Variants in FKBP6 observed in about 807,000 individuals in gnomAD.
FKBP6 encodes the protein FKBP prolyl isomerase family member 6 (inactive), also known as inactive peptidyl-prolyl cis-trans isomerase FKBP6.
FKBP6 carries 29 observed loss-of-function variants against 41.7 expected under a neutral mutation model. That is an observed-to-expected ratio of 0.70 (90% confidence interval 0.52 to 0.95). The LOEUF (loss-of-function observed/expected upper bound fraction) is 0.95, where lower values mean the gene tolerates loss of function less well. Ranked by LOEUF, FKBP6 falls within the 40% of genes least tolerant of loss-of-function variation. The probability of loss-of-function intolerance (pLI) is 0.00; values close to 1 mark genes in which losing one functional copy is unlikely to be tolerated. For missense variants in FKBP6, 338 were observed against 408.7 expected (o/e 0.83, Z 1.49); for synonymous variants, 130 against 165.1 (o/e 0.79, Z 1.63).
chr7:73,329,057 A>G (rs1804739681), intron 2 of FKBP6, among the ~76,000 whole-genome samples: 1 of 152,056 alleles, frequency 6.6e-6, no homozygotes, highest in African/African-American at 2.4e-5. Context: ...CTCCCACCTC[A>G]GCCTCCCCAG....
Position 73,329,460 on chromosome 7 carries a change from A to G in FKBP6, c.265+11A>G. On this transcript the variant is annotated intron_variant, in intron 3 of 8. Transcript: ENST00000252037. ...TGAAACTTGGAGAGGGTAGGTTCAG[A>G]GTGGGAGCTGGAGAAGAAGGAATTG... The G allele has an allele frequency of 6.7e-7, 1 of 1,498,176 alleles. No homozygotes were observed. The highest frequency in any genetic ancestry group is 1.4e-5 in the African/African-American group (1 of 72,756). The allele number at this position is 1,498,176 out of a possible 1,614,324, so 92.8% of individuals were successfully genotyped here.
chr7:73,357,269 GTT>G (rs11430645), intron 8 of FKBP6, among the ~76,000 whole-genome samples: 30 of 96,802 alleles, frequency 3.1e-4, no homozygotes, highest in East Asian at 6.1e-4. Context: ...GTTTGGTTTG[GTT>G]TTTTTTTTTT....
intron 8 of FKBP6, among the ~76,000 whole-genome samples, chr7:73,349,791 G>A (rs183636302): frequency 1.4e-4 from 21 of 150,512 alleles, no homozygotes; most frequent in African/African-American, 4.1e-4. Flanking sequence ...GAAGGGATGC[G>A]CCAGCACCCA....
intron 5 of FKBP6, among the ~76,000 whole-genome samples, chr7:73,332,012 C>T (rs1376745619): frequency 3.3e-5 from 5 of 151,954 alleles, no homozygotes; most frequent in Non-Finnish European, 7.4e-5. Context: ...TACAGGCACC[C>T]GCCACTTCAC....
In FKBP6 at chr7:73,342,870, C is replaced by T. The variant is rs1554549805; in HGVS notation, c.957C>T (p.Gly319=). The T allele has an allele frequency of 7.4e-6, 12 of 1,613,730 alleles. No individual in the cohort carries two copies. Among genetic ancestry groups the T allele is most frequent in the East Asian group, 2.2e-5 (1 of 44,890 alleles). The change falls in exon 8 of 9, where the codon GGC becomes GGT. Residue 319 remains glycine, a synonymous_variant. Coordinates refer to ENST00000252037, the MANE Select transcript of FKBP6 (RefSeq NM_003602.5). ...GGCACCGCATGTTCGCGCCCTGTGGCGATGGTTCTACAGCAGGAGAAAGTT... is the reference window on the plus strand; with the variant it reads ...GGCACCGCATGTTCGCGCCCTGTGGTGATGGTTCTACAGCAGGAGAAAGTT... The part of the protein sequence containing the change: ...EMWHRMFAPC[G]DGSTAGES
At chr7:73,352,190 C>T (rs1243537674) in intron 8 of FKBP6, among the ~76,000 whole-genome samples, 1 of 152,206 alleles carries the variant, frequency 6.6e-6, no homozygotes, top group East Asian at 1.9e-4. Context: ...TCTCGATCTC[C>T]TGGCCTCAAG....
chr7:73,329,601 T>G, intron 3 of FKBP6, 152 bp downstream of exon 3: 1 of 698,990 alleles, frequency 1.4e-6, no homozygotes, highest in Non-Finnish European at 2.6e-6. Context: ...TTCTCTCCCC[T>G]TGAGACCTAG....
chr7:73,329,568 T>A (rs1382875880), intron 3 of FKBP6, 119 bp downstream of exon 3: 1 of 772,512 alleles, frequency 1.3e-6, no homozygotes, highest in African/African-American at 1.7e-5. Context: ...TTGCTGAGGC[T>A]GGGTTTTGGT....
chr7:73,352,351 C>G lies in FKBP6; in HGVS notation c.*3-5830C>G, dbSNP rs115784629. On this transcript the variant is annotated intron_variant, in intron 8 of 8. Transcript: ENST00000252037. Reference sequence around the variant, plus strand: ...TATCGGCTTAGTCTGTTTTTAATTTCTTGCGTTCATTAGGTGCATAAGCCC... The same window carrying G: ...TATCGGCTTAGTCTGTTTTTAATTTGTTGCGTTCATTAGGTGCATAAGCCC... Among the ~76,000 whole-genome samples the G allele has an allele frequency of 6.0e-3, 913 of 152,258 alleles. 11 individuals carry two copies. Among genetic ancestry groups the G allele is most frequent in the African/African-American group, 0.02 (843 of 41,552 alleles).
intron 2 of FKBP6, 54 bp from the exon 3 acceptor site, chr7:73,329,306 T>C (rs1284296518): frequency 1.0e-5 from 10 of 961,376 alleles, no homozygotes; most frequent in African/African-American, 6.4e-5. Flanking sequence ...CTCGATATTA[T>C]GGTGGCGTGG....
At chr7:73,354,687 A>T (rs1805580528) in intron 8 of FKBP6, among the ~76,000 whole-genome samples, 1 of 152,220 alleles carries the variant, frequency 6.6e-6, no homozygotes, top group African/African-American at 2.4e-5. Flanking sequence ...TTCATTCTCC[A>T]CGTTTACTAT....
At chr7:73,329,551 G>A (rs1206046451) in intron 3 of FKBP6, 102 bp downstream of exon 3, 1 of 823,564 alleles carries the variant, frequency 1.2e-6, no homozygotes, top group African/African-American at 1.7e-5. Context: ...GGTTCTTTGA[G>A]TTGGCTTTGC....
intron 8 of FKBP6, among the ~76,000 whole-genome samples, chr7:73,343,677 T>G (rs1388330867): frequency 6.6e-6 from 1 of 152,104 alleles, no homozygotes; most frequent in Non-Finnish European, 1.5e-5. Flanking sequence ...GGGCGGGAGT[T>G]CCCAAGCACA....
intron 8 of FKBP6, among the ~76,000 whole-genome samples, chr7:73,347,350 AT>A (rs1805359336): frequency 6.6e-6 from 1 of 152,208 alleles, no homozygotes; most frequent in Non-Finnish European, 1.5e-5. Flanking sequence ...AAGCTATGTA[AT>A]TGCCAAGGTT....
chr7:73,340,790 C>G lies in FKBP6; in HGVS notation c.741C>G (p.Ile247Met), dbSNP rs782064333. 9.9e-6 allele frequency: 16 copies of G among 1,613,916 alleles called. No homozygotes were observed. The East Asian group carries it at 2.9e-4, about 29-fold the overall frequency. Residue 247 changes from isoleucine (I) to methionine (M), a missense_variant, in exon 6 of 9, where the codon ATC becomes ATG. By Grantham distance (10) the Ile-to-Met change is conservative. Transcript: ENST00000252037. ...IALCYGEQALIIDQKNAKALF... is the reference protein window; with the variant it reads ...IALCYGEQALMIDQKNAKALF... ...TGTGCTATGGAGAGCAGGCTTTGATCATTGACCAAAAGAATGCCAAGGCCC... is the reference window on the plus strand; with the variant it reads ...TGTGCTATGGAGAGCAGGCTTTGATGATTGACCAAAAGAATGCCAAGGCCC...
rs146103826 is a variant in FKBP6 at position 73,342,363 on chromosome 7, G to A, written c.894-444G>A. On this transcript the variant is annotated intron_variant, in intron 7 of 8. Transcript: ENST00000252037. ...CCAGATTGCTAGTTAAAGCTTGCTTGGCATTAGTGTCTGAGATGTGAGTAT... is the reference window on the plus strand; with the variant it reads ...CCAGATTGCTAGTTAAAGCTTGCTTAGCATTAGTGTCTGAGATGTGAGTAT... 3.4e-3 allele frequency among the ~76,000 whole-genome samples: 513 copies of A among 152,294 alleles called. 1 individual carries two copies. Among genetic ancestry groups the A allele is most frequent in the African/African-American group, 0.012 (496 of 41,558 alleles).
At chr7:73,346,725 C>CA (rs1554550334) in intron 8 of FKBP6, among the ~76,000 whole-genome samples, 1 of 152,128 alleles carries the variant, frequency 6.6e-6, no homozygotes, top group Non-Finnish European at 1.5e-5. Flanking sequence ...AACCTACTGG[C>CA]AAGAGCGGAA....
chr7:73,349,175 T>G (rs527337217), intron 8 of FKBP6, among the ~76,000 whole-genome samples: 2 of 144,642 alleles, frequency 1.4e-5, no homozygotes, highest in South Asian at 4.4e-4. Flanking sequence ...TTTGGGAGGC[T>G]GAGGCAGGTA....
chr7:73,330,126 C>A, intron 3 of FKBP6, 24 bp from the exon 4 acceptor site: 3 of 1,589,126 alleles, frequency 1.9e-6, no homozygotes, highest in Non-Finnish European at 2.6e-6. Context: ...AAGCTTCACC[C>A]ACCTTCTTTG....
Sources: gnomAD v4.1 joint callset for allele counts (sites outside exome capture counted in the v4.1 genomes callset) on GRCh38, gnomAD v4.1.1 for gene constraint, MANE v1.5 for transcripts, NCBI Gene and HGNC (gene_info 2026-07-23, HGNC 2026-07-21) for gene names.